Variants in BRINP3 observed in about 807,000 individuals in gnomAD.
The protein encoded by BRINP3 is BMP/retinoic acid inducible neural specific 3.
Under a neutral mutation model 71.0 loss-of-function variants are expected in BRINP3, and 19 were observed. That is an observed-to-expected ratio of 0.27 (90% CI 0.19 to 0.39). The LOEUF (loss-of-function observed/expected upper bound fraction) is 0.39. Among genes scored for constraint, BRINP3 ranks in the 10% least tolerant of loss-of-function variants. The probability of loss-of-function intolerance (pLI) is 1.00; values close to 1 mark genes in which losing one functional copy is unlikely to be tolerated. For missense variants in BRINP3, 959 were observed against 940.8 expected (o/e 1.02, Z -0.25); for synonymous variants, 380 against 337.7 (o/e 1.13, Z -1.37).
At chr1:190,195,263 TA>T (rs1390051075) in intron 6 of BRINP3, among the ~76,000 whole-genome samples, 1 of 151,918 alleles carries the variant, frequency 6.6e-6, no homozygotes, top group Non-Finnish European at 1.5e-5. Flanking sequence ...AGATTACATC[TA>T]TAAAATAAGA....
At chr1:190,228,407 G>A (rs1227853257) in intron 5 of BRINP3, among the ~76,000 whole-genome samples, 3 of 151,320 alleles carry the variant, frequency 2.0e-5, no homozygotes, top group African/African-American at 4.9e-5. Context: ...AAGAACTCGC[G>A]TACCATTTTC....
At chr1:190,315,085 T>C (rs1665792466) in intron 2 of BRINP3, among the ~76,000 whole-genome samples, 1 of 152,060 alleles carries the variant, frequency 6.6e-6, no homozygotes, top group African/African-American at 2.4e-5. Context: ...TAAACAAGAC[T>C]GAAGGGCATA....
At chr1:190,229,020 C>G (rs959188636) in intron 5 of BRINP3, among the ~76,000 whole-genome samples, 4 of 151,960 alleles carry the variant, frequency 2.6e-5, no homozygotes. Context: ...CCCACCTTCT[C>G]ATGGAACCAA....
intron 6 of BRINP3, among the ~76,000 whole-genome samples, chr1:190,206,528 G>C (rs1245735552): frequency 6.6e-6 from 1 of 152,026 alleles, no homozygotes; most frequent in Non-Finnish European, 1.5e-5. Context: ...CTCTTACTAA[G>C]AGCAGTCTTC....
intron 7 of BRINP3, among the ~76,000 whole-genome samples, chr1:190,126,178 T>G (rs900688360): frequency 3.3e-5 from 5 of 152,026 alleles, no homozygotes; most frequent in African/African-American, 9.7e-5. Flanking sequence ...AAATGCAAGT[T>G]GGCTTGACAA....
chr1:190,177,331 T>A, intron 6 of BRINP3, among the ~76,000 whole-genome samples: 1 of 35,016 alleles, frequency 2.9e-5, no homozygotes, highest in Non-Finnish European at 4.7e-5. Flanking sequence ...CCTGGATAAT[T>A]TTTTTTTTTT....
At chr1:190,278,839 C>A (rs1004573520) in intron 3 of BRINP3, among the ~76,000 whole-genome samples, 2 of 150,266 alleles carry the variant, frequency 1.3e-5, no homozygotes, top group Admixed American at 6.7e-5. Context: ...AATAATCTTA[C>A]AAATTTTGAA....
intron 4 of BRINP3, among the ~76,000 whole-genome samples, chr1:190,239,109 C>T (rs557560226): frequency 3.3e-5 from 5 of 152,140 alleles, no homozygotes; most frequent in South Asian, 4.1e-4. Flanking sequence ...CTTACTATCA[C>T]GAGAACAGTT....
intron 4 of BRINP3, among the ~76,000 whole-genome samples, chr1:190,237,174 A>T (rs1261214572): frequency 6.6e-6 from 1 of 151,912 alleles, no homozygotes; most frequent in Non-Finnish European, 1.5e-5. Context: ...ATACAATGAT[A>T]TAAATTTAGC....
Position 190,098,683 on chromosome 1 carries a change from G to A in BRINP3, c.1636C>T (p.Leu546=). The stretch of plus-strand genomic sequence containing the variant: ...GAGAGACCCAAAATCATATGGACCA[G>A]ACTTGACTTGTACTTATTGCTCTTC... ...TLKSNKYKSS[L]VHMILGLSLQ... Residue 546 remains leucine, a synonymous_variant, in exon 8 of 8, where the codon CTG becomes TTG. Coordinates refer to ENST00000367462, the MANE Select transcript of BRINP3 (RefSeq NM_199051.3). 1 of 1,614,196 alleles carries A rather than the reference G, an allele frequency of 6.2e-7. No homozygotes were observed. Among genetic ancestry groups the A allele is most frequent in the Non-Finnish European group, 8.5e-7 (1 of 1,180,038 alleles).
At chr1:190,287,089 T>C (rs1355027937) in intron 2 of BRINP3, among the ~76,000 whole-genome samples, 2 of 149,362 alleles carry the variant, frequency 1.3e-5, no homozygotes, top group Admixed American at 1.3e-4. Flanking sequence ...TAGCCGACTG[T>C]GGTGGTGTGT....
chr1:190,115,339 T>C (rs13376125), intron 7 of BRINP3, among the ~76,000 whole-genome samples: 8,012 of 152,200 alleles, frequency 0.053, 705 homozygotes, highest in African/African-American at 0.18. Context: ...ATTCTTCTCC[T>C]TTTTGCTCCC....
At chr1:190,466,940 C>T (rs1676796065) in intron 1 of BRINP3, among the ~76,000 whole-genome samples, 1 of 151,314 alleles carries the variant, frequency 6.6e-6, no homozygotes, top group South Asian at 2.1e-4. Flanking sequence ...AAGAAGCCAA[C>T]ATATTTTGGA....
chr1:190,366,925 T>C (rs187406732), intron 2 of BRINP3, among the ~76,000 whole-genome samples: 55 of 152,300 alleles, frequency 3.6e-4, no homozygotes, highest in Non-Finnish European at 7.1e-4. Context: ...CTTTGCAGAG[T>C]ATAGCCCTCC....
At chr1:190,415,268 T>C (rs1416764127) in intron 2 of BRINP3, among the ~76,000 whole-genome samples, 1 of 152,134 alleles carries the variant, frequency 6.6e-6, no homozygotes, top group Non-Finnish European at 1.5e-5. Flanking sequence ...CCTACCTGAA[T>C]TACTACCAAT....
chr1:190,313,849 C>T (rs1194926236), intron 2 of BRINP3, among the ~76,000 whole-genome samples: 1 of 151,988 alleles, frequency 6.6e-6, no homozygotes, highest in Non-Finnish European at 1.5e-5. Flanking sequence ...CAGCTTTGTC[C>T]TCCTCTTATG....
chr1:190,337,086 C>T (rs536101401), intron 2 of BRINP3, among the ~76,000 whole-genome samples: 7 of 152,044 alleles, frequency 4.6e-5, no homozygotes, highest in African/African-American at 1.7e-4. Flanking sequence ...AATCAGTCAA[C>T]ATGAACCATA....
At chr1:190,412,863 T>C (rs1672782829) in intron 2 of BRINP3, among the ~76,000 whole-genome samples, 1 of 151,946 alleles carries the variant, frequency 6.6e-6, no homozygotes, top group Non-Finnish European at 1.5e-5. Context: ...AAGTGCATGG[T>C]AGTAGTAATT....
chr1:190,251,525 C>T (rs572697691), intron 4 of BRINP3, among the ~76,000 whole-genome samples: 1 of 151,876 alleles, frequency 6.6e-6, no homozygotes, highest in Non-Finnish European at 1.5e-5. Flanking sequence ...TTCTCTTTGG[C>T]CTATTTCTGA....
Sources: gnomAD v4.1 joint callset for allele counts (sites outside exome capture counted in the v4.1 genomes callset) on GRCh38, gnomAD v4.1.1 for gene constraint, MANE v1.5 for transcripts, NCBI Gene and HGNC (gene_info 2026-07-23, HGNC 2026-07-21) for gene names.